Variants in CDYL observed in about 807,000 individuals in gnomAD.
The protein encoded by CDYL is chromodomain Y like.
Under a neutral mutation model 47.3 loss-of-function variants are expected in CDYL, and 8 were observed. The ratio of observed to expected loss-of-function variants is 0.17; its 90% CI spans 0.10 to 0.31. The LOEUF (loss-of-function observed/expected upper bound fraction) is 0.31. Ranked by LOEUF, CDYL falls within the 10% of genes least tolerant of loss-of-function variation. The pLI is 1.00. For synonymous variants in CDYL, 266 were observed against 265.0 expected (o/e 1.00, Z -0.04); for missense variants, 471 against 701.4 (o/e 0.67, Z 3.71).
rs751114539 is a variant in CDYL at position 4,844,742 on chromosome 6, T to C, written c.25-46971T>C. Among the ~76,000 whole-genome samples the C allele has an allele frequency of 3.5e-4, 53 of 152,214 alleles. 1 individual carries two copies. Among genetic ancestry groups the C allele is most frequent in the Non-Finnish European group, 2.1e-4 (14 of 68,042 alleles). On this transcript the variant is annotated intron_variant, in intron 1 of 6. Transcript: ENST00000397588. Reference sequence around the variant, plus strand: ...CCATCATTTTATTATTGAAAAAGTTTATTTGTGCTGAGGTAAGGTAGCTTA... The same window carrying C: ...CCATCATTTTATTATTGAAAAAGTTCATTTGTGCTGAGGTAAGGTAGCTTA...
In CDYL at chr6:4,845,552, A is replaced by C. The variant is rs571542855; in HGVS notation, c.25-46161A>C. 3.9e-5 allele frequency among the ~76,000 whole-genome samples: 6 copies of C among 152,362 alleles called. No individual in the cohort carries two copies. The South Asian group carries it at 8.3e-4, about 21-fold the overall frequency. ...ACAGTAGTGTTTAACCTTTTAAGGC[A>C]GGATTCAGCAAACCTTTTCTGTAAG... On this transcript the variant is annotated intron_variant, in intron 1 of 6. Coordinates refer to ENST00000397588, the MANE Select transcript of CDYL (RefSeq NM_004824.4).
intron 1 of CDYL, among the ~76,000 whole-genome samples, chr6:4,797,877 A>G (rs923443645): frequency 2.0e-4 from 31 of 152,188 alleles, no homozygotes; most frequent in African/African-American, 7.2e-4. Context: ...TATTATGAAT[A>G]TGAGCATTCA....
intron 1 of CDYL, among the ~76,000 whole-genome samples, chr6:4,710,309 AAAG>A (rs1667923415): frequency 6.7e-6 from 1 of 149,470 alleles, no homozygotes; most frequent in African/African-American, 2.4e-5. Flanking sequence ...GGAAGGATCG[AAAG>A]AAGAATAAAA....
At chr6:4,880,935 T>C (rs896290204) in intron 1 of CDYL, among the ~76,000 whole-genome samples, 1 of 152,252 alleles carries the variant, frequency 6.6e-6, no homozygotes, top group Non-Finnish European at 1.5e-5. Flanking sequence ...TTTGCAAATA[T>C]TTTCTTGCAG....
chr6:4,772,762 G>A (rs1474227384), upstream of CDYL, among the ~76,000 whole-genome samples: 2 of 152,210 alleles, frequency 1.3e-5, no homozygotes, highest in African/African-American at 4.8e-5. Flanking sequence ...AGGTAACCAG[G>A]ATAGAATATG....
intron 6 of CDYL, 107 bp downstream of exon 6, chr6:4,952,516 C>T: frequency 8.2e-7 from 1 of 1,222,876 alleles, no homozygotes; most frequent in Non-Finnish European, 1.1e-6. Flanking sequence ...CGTTTGTCCT[C>T]AACAGAGCAC....
chr6:4,940,116 T>G (rs1438846283), intron 4 of CDYL, among the ~76,000 whole-genome samples: 1 of 150,602 alleles, frequency 6.6e-6, no homozygotes, highest in African/African-American at 2.4e-5. Flanking sequence ...AGATCTCCTT[T>G]GTTGAACTTG....
chr6:4,776,712 C>A lies in CDYL; in HGVS notation c.-72C>A. On this transcript the variant is annotated 5_prime_UTR_variant, in exon 1 of 7. Coordinates refer to ENST00000397588, the MANE Select transcript of CDYL (RefSeq NM_004824.4). ...CAGGCCACGCAGGACCCAACTGAAA[C>A]AAAGTGTCGGCCGCCCGGCGCCGGC... 1 of 1,265,790 alleles carries A rather than the reference C, an allele frequency of 7.9e-7. No individual in the cohort carries two copies. Among genetic ancestry groups the A allele is most frequent in the Non-Finnish European group, 1.0e-6 (1 of 980,740 alleles). 78.4% of individuals were successfully genotyped at this position (1,265,790 alleles called of 1,614,324 possible).
intron 1 of CDYL, among the ~76,000 whole-genome samples, chr6:4,871,992 GCT>G (rs1761488999): frequency 6.6e-6 from 1 of 152,208 alleles, no homozygotes; most frequent in Non-Finnish European, 1.5e-5. Flanking sequence ...TCTGACCAGA[GCT>G]GTTGTATTCT....
chr6:4,937,434 C>T, intron 3 of CDYL, 131 bp from the exon 4 acceptor site: 1 of 604,108 alleles, frequency 1.7e-6, no homozygotes. Context: ...AGTTAGAGAG[C>T]ACAGTGAGCC....
chr6:4,934,535 C>T (rs1041136495), intron 2 of CDYL, among the ~76,000 whole-genome samples: 3 of 152,202 alleles, frequency 2.0e-5, no homozygotes, highest in Non-Finnish European at 4.4e-5. Flanking sequence ...CAGAGAACTT[C>T]TGCCATTGCT....
chr6:4,821,744 A>G (rs960993713), intron 1 of CDYL, among the ~76,000 whole-genome samples: 1 of 151,874 alleles, frequency 6.6e-6, no homozygotes, highest in Non-Finnish European at 1.5e-5. Flanking sequence ...TCGGGGGAAA[A>G]AAAAAAAGCG....
intron 1 of CDYL, among the ~76,000 whole-genome samples, chr6:4,838,594 A>G (rs1760394311): frequency 6.6e-6 from 1 of 152,216 alleles, no homozygotes; most frequent in African/African-American, 2.4e-5. Context: ...AATTGCAAAT[A>G]TAAACGTGTG....
intron 1 of CDYL, among the ~76,000 whole-genome samples, chr6:4,857,416 G>A (rs1480060634): frequency 6.6e-6 from 1 of 152,208 alleles, no homozygotes; most frequent in Admixed American, 6.5e-5. Flanking sequence ...TGCTCTAGGG[G>A]AGGACTTCCC....
chr6:4,874,075 TCA>T (rs1247689234), intron 1 of CDYL, among the ~76,000 whole-genome samples: 1 of 152,152 alleles, frequency 6.6e-6, no homozygotes. Flanking sequence ...TTCTTCCCAC[TCA>T]CACACTCTCA....
chr6:4,835,596 C>G (rs1760276759), intron 1 of CDYL, among the ~76,000 whole-genome samples: 1 of 152,228 alleles, frequency 6.6e-6, no homozygotes, highest in African/African-American at 2.4e-5. Flanking sequence ...CCACTGCTCT[C>G]TTCAAAGCTG....
chr6:4,799,695 C>A (rs993152783), intron 1 of CDYL, among the ~76,000 whole-genome samples: 9 of 152,154 alleles, frequency 5.9e-5, no homozygotes, highest in African/African-American at 2.4e-5. Context: ...TTGCTCGGCT[C>A]CCAAAGTGCT....
At chr6:4,738,716 A>G (rs1159543082) in intron 3 of CDYL, among the ~76,000 whole-genome samples, 1 of 152,202 alleles carries the variant, frequency 6.6e-6, no homozygotes, top group African/African-American at 2.4e-5. Flanking sequence ...ACAAATAAAG[A>G]TGTTTACTGC....
At chr6:4,903,925 C>A (rs969938610) in intron 2 of CDYL, among the ~76,000 whole-genome samples, 1 of 152,212 alleles carries the variant, frequency 6.6e-6, no homozygotes, top group East Asian at 1.9e-4. Context: ...TTCATAGGCA[C>A]GTTGCCATGT....
Sources: allele counts gnomAD v4.1 joint callset (sites outside exome capture counted in the v4.1 genomes callset), GRCh38; gene constraint gnomAD v4.1.1; transcripts MANE v1.5; gene names NCBI Gene and HGNC (gene_info 2026-07-23, HGNC 2026-07-21).